Variants in SGCD observed in about 807,000 individuals in gnomAD.
SGCD encodes the protein delta-sarcoglycan.
A neutral mutation model predicts 36.6 loss-of-function variants in SGCD; 18 were observed. The observed-to-expected ratio is 0.49, with a 90% confidence interval of 0.34 to 0.73. SGCD has a LOEUF of 0.73. Among genes scored for constraint, SGCD ranks in the 30% least tolerant of loss-of-function variants. The pLI is 0.01. For synonymous variants in SGCD, 133 were observed against 130.6 expected (o/e 1.02, Z -0.12); for missense variants, 387 against 346.7 (o/e 1.12, Z -0.92).
chr5:155,867,780 A>T (rs997291520), upstream of SGCD, among the ~76,000 whole-genome samples: 2 of 152,240 alleles, frequency 1.3e-5, no homozygotes, highest in Non-Finnish European at 2.9e-5. Context: ...TAGGCTTGAC[A>T]TACAATAGAT....
intron 1 of SGCD, among the ~76,000 whole-genome samples, chr5:155,961,957 A>T (rs1279377021): frequency 6.6e-6 from 1 of 152,114 alleles, no homozygotes; most frequent in Non-Finnish European, 1.5e-5. Flanking sequence ...TTACGGTCTG[A>T]AGACTTTCTA....
chr5:156,327,265 C>T (rs1767856008), intron 1 of SGCD, 33 bp downstream of exon 1: 1 of 152,254 alleles, frequency 6.6e-6, no homozygotes, highest in Non-Finnish European at 1.5e-5. Flanking sequence ...CGTTTGCACG[C>T]GTCTGTTCAC....
intron 4 of SGCD, among the ~76,000 whole-genome samples, chr5:156,525,111 T>G (rs1757589672): frequency 6.6e-6 from 1 of 152,144 alleles, no homozygotes; most frequent in Admixed American, 6.6e-5. Context: ...CTGTATCCTA[T>G]GGTAGTTCTA....
intron 6 of SGCD, 139 bp downstream of exon 6, chr5:156,595,190 G>A: frequency 9.6e-7 from 1 of 1,037,870 alleles, no homozygotes; most frequent in South Asian, 1.7e-5. Context: ...ATGGTATTAG[G>A]AGGTGGAGCC....
At chr5:155,810,354 C>G in the SGCD span, among the ~76,000 whole-genome samples, 1 of 152,072 alleles carries the variant, frequency 6.6e-6, no homozygotes, top group African/African-American at 2.4e-5. Context: ...ATTTGGGATT[C>G]TTTCTTGTTC....
intron 3 of SGCD, among the ~76,000 whole-genome samples, chr5:156,177,435 A>G (rs1162060811): frequency 6.6e-6 from 1 of 152,158 alleles, no homozygotes; most frequent in Non-Finnish European, 1.5e-5. Flanking sequence ...TTTTGGGTTT[A>G]TCTTATTGAG....
chr5:155,901,034 C>G (rs1179958654), intron 1 of SGCD, among the ~76,000 whole-genome samples: 2 of 152,038 alleles, frequency 1.3e-5, no homozygotes, highest in Admixed American at 6.6e-5. Context: ...AAAAATAGGC[C>G]AGTCGTGGTG....
chr5:156,086,238 A>G (rs1761087874), intron 1 of SGCD, among the ~76,000 whole-genome samples: 1 of 152,244 alleles, frequency 6.6e-6, no homozygotes, highest in South Asian at 2.1e-4. Flanking sequence ...ATTTTGGGAA[A>G]AGGATAGTCT....
chr5:156,021,668 G>T (rs1489077052), intron 1 of SGCD, among the ~76,000 whole-genome samples: 1 of 152,166 alleles, frequency 6.6e-6, no homozygotes, highest in African/African-American at 2.4e-5. Flanking sequence ...TTGGGCCTCG[G>T]CAACCTGTGG....
the SGCD span, among the ~76,000 whole-genome samples, chr5:155,796,570 G>A: frequency 4.6e-5 from 7 of 151,856 alleles, no homozygotes; most frequent in South Asian, 2.1e-4. Flanking sequence ...TTGGGAGGCC[G>A]AGGTGGGTGG....
chr5:155,992,330 G>T (rs531343738), intron 1 of SGCD, among the ~76,000 whole-genome samples: 39 of 152,176 alleles, frequency 2.6e-4, no homozygotes, highest in African/African-American at 9.1e-4. Context: ...GGAAGGTCAG[G>T]GTACATGTTT....
chr5:156,334,140 G>T (rs747039963), intron 2 of SGCD, among the ~76,000 whole-genome samples: 1 of 151,922 alleles, frequency 6.6e-6, no homozygotes, highest in Non-Finnish European at 1.5e-5. Context: ...TACACAGCTT[G>T]GTCCCCAAGT....
chr5:156,383,067 A>G (rs1168602401), intron 3 of SGCD, among the ~76,000 whole-genome samples: 1 of 152,190 alleles, frequency 6.6e-6, no homozygotes, highest in Non-Finnish European at 1.5e-5. Context: ...ACCTGGTTCA[A>G]AGGACTGATA....
chr5:156,650,005 C>A (rs1458245883), intron 7 of SGCD, among the ~76,000 whole-genome samples: 1 of 151,970 alleles, frequency 6.6e-6, no homozygotes, highest in Non-Finnish European at 1.5e-5. Context: ...TAAAGTAAAT[C>A]TTCTGTACTT....
intron 1 of SGCD, among the ~76,000 whole-genome samples, chr5:155,996,864 G>GATAGATAGATAGAT (rs1202923097): frequency 9.2e-4 from 8 of 8,664 alleles, no homozygotes; most frequent in African/African-American, 2.9e-3. Flanking sequence ...TGGATGGATG[G>GATAGATAGATAGAT]ATAGATAGAT....
upstream of SGCD, among the ~76,000 whole-genome samples, chr5:156,322,910 A>T (rs1398204305): frequency 6.6e-6 from 1 of 152,170 alleles, no homozygotes; most frequent in East Asian, 1.9e-4. Context: ...AAGATCCTGT[A>T]ACTTAGTAAT....
chr5:156,073,412 A>T (rs1017771161), intron 1 of SGCD, among the ~76,000 whole-genome samples: 1 of 152,120 alleles, frequency 6.6e-6, no homozygotes, highest in Non-Finnish European at 1.5e-5. Context: ...GGCCAAAAAA[A>T]GTTAGCTAGG....
chr5:155,910,831 A>G (rs1311600919), intron 1 of SGCD, among the ~76,000 whole-genome samples: 1 of 152,166 alleles, frequency 6.6e-6, no homozygotes, highest in Non-Finnish European at 1.5e-5. Context: ...CCCCAATCTT[A>G]TGATTCATTT....
chr5:156,690,837 A>G (rs946100546), intron 7 of SGCD, among the ~76,000 whole-genome samples: 3 of 152,120 alleles, frequency 2.0e-5, no homozygotes, highest in African/African-American at 7.2e-5. Flanking sequence ...AGTCAGTTGT[A>G]TGGGAAAAAA....
Sources: gnomAD v4.1 joint callset for allele counts (sites outside exome capture counted in the v4.1 genomes callset) on GRCh38, gnomAD v4.1.1 for gene constraint, MANE v1.5 for transcripts, NCBI Gene and HGNC (gene_info 2026-07-23, HGNC 2026-07-21) for gene names.